KCNJ3: variants seen among roughly 807,000 people sequenced by gnomAD.
KCNJ3 encodes G protein-activated inward rectifier potassium channel 1.
In KCNJ3, 4 loss-of-function variants were observed where a neutral mutation model predicts 39.2. The observed-to-expected ratio is 0.10, with a 90% CI of 0.05 to 0.23. The LOEUF is 0.23. KCNJ3 is among the 10% of genes least tolerant of loss of function. KCNJ3 has a pLI of 1.00. For missense variants in KCNJ3, 276 were observed against 634.9 expected (o/e 0.43, Z 6.08); for synonymous variants, 230 against 237.4 (o/e 0.97, Z 0.29).
intron 2 of KCNJ3, among the ~76,000 whole-genome samples, chr2:154,749,696 G>C (rs1012212237): frequency 2.0e-5 from 3 of 152,064 alleles, no homozygotes; most frequent in Admixed American, 6.6e-5. Context: ...TATCTGTAAA[G>C]TGGGAACAGA....
chr2:154,713,371 C>G (rs1685132215), intron 2 of KCNJ3, among the ~76,000 whole-genome samples: 1 of 152,106 alleles, frequency 6.6e-6, no homozygotes, highest in Admixed American at 6.5e-5. Context: ...CTTTTACCCT[C>G]CTACCCTAGC....
intron 2 of KCNJ3, among the ~76,000 whole-genome samples, chr2:154,779,060 T>G (rs1223772894): frequency 6.6e-6 from 1 of 152,146 alleles, no homozygotes; most frequent in Non-Finnish European, 1.5e-5. Flanking sequence ...AATAAAACCT[T>G]AGCAGTACTT....
intron 2 of KCNJ3, among the ~76,000 whole-genome samples, chr2:154,797,397 T>A (rs1199962474): frequency 6.6e-6 from 1 of 152,166 alleles, no homozygotes; most frequent in Non-Finnish European, 1.5e-5. Context: ...TGAAATGTCT[T>A]CTTTTTAAAA....
chr2:154,779,461 A>G (rs893177055), intron 2 of KCNJ3, among the ~76,000 whole-genome samples: 21 of 138,394 alleles, frequency 1.5e-4, no homozygotes, highest in Admixed American at 7.1e-5. Flanking sequence ...TTTTATATAT[A>G]TATGTTGTAT....
intron 2 of KCNJ3, among the ~76,000 whole-genome samples, chr2:154,793,928 CATT>C (rs1308351968): frequency 6.6e-6 from 1 of 151,896 alleles, no homozygotes; most frequent in Non-Finnish European, 1.5e-5. Context: ...TGAGCCCAAA[CATT>C]ATGGTATATA....
At chr2:154,737,966 A>G (rs115555964) in intron 2 of KCNJ3, among the ~76,000 whole-genome samples, 2,753 of 152,232 alleles carry the variant, frequency 0.018, 76 homozygotes, top group African/African-American at 0.063. Context: ...AAGACATACC[A>G]TGATTAAATT....
chr2:154,775,191 ACAGGCTTCAGCCACTGCAC>A (rs1452412879), intron 2 of KCNJ3, among the ~76,000 whole-genome samples: 1 of 152,222 alleles, frequency 6.6e-6, no homozygotes. Context: ...TGCTGGGATT[ACAGGCTTCAGCCACTGCAC>A]CTGGCCTGTT....
Position 154,768,183 on chromosome 2 carries a change from T to A in KCNJ3, c.919+58364T>A, listed in dbSNP as rs535093334. Among the ~76,000 whole-genome samples, 6 of 152,324 alleles carry A rather than the reference T, an allele frequency of 3.9e-5. 1 individual carries two copies. The South Asian group carries it at 1.0e-3, about 26-fold the overall frequency. On this transcript the variant is annotated intron_variant, in intron 2 of 2. Transcript: ENST00000295101. ...TTTCTTTTGCTGTGCAGAAGCTCTTTAGTTTAATTAGATCCCATTTGTCAA... is the reference window on the plus strand; with the variant it reads ...TTTCTTTTGCTGTGCAGAAGCTCTTAAGTTTAATTAGATCCCATTTGTCAA...
intron 2 of KCNJ3, among the ~76,000 whole-genome samples, chr2:154,723,521 C>T (rs534475687): frequency 6.6e-5 from 10 of 152,172 alleles, no homozygotes; most frequent in South Asian, 4.1e-4. Flanking sequence ...ATCAGGAGAT[C>T]GCTGGGATCA....
intron 2 of KCNJ3, among the ~76,000 whole-genome samples, chr2:154,776,043 C>A (rs895531740): frequency 1.3e-5 from 2 of 151,214 alleles, no homozygotes; most frequent in African/African-American, 2.4e-5. Flanking sequence ...CTCTTGTTGC[C>A]TAGGCTGGAG....
intron 2 of KCNJ3, among the ~76,000 whole-genome samples, chr2:154,779,453 T>TA (rs1686395947): frequency 7.0e-6 from 1 of 143,408 alleles, no homozygotes; most frequent in East Asian, 2.0e-4. Flanking sequence ...TATATATATT[T>TA]TATATATATA....
intron 2 of KCNJ3, among the ~76,000 whole-genome samples, chr2:154,768,927 T>A (rs959780125): frequency 2.6e-5 from 4 of 152,184 alleles, no homozygotes; most frequent in African/African-American, 9.7e-5. Context: ...GATTCCTAGG[T>A]ATTTTATTCT....
intron 2 of KCNJ3, among the ~76,000 whole-genome samples, chr2:154,745,175 A>G (rs1404439485): frequency 2.0e-5 from 3 of 151,892 alleles, no homozygotes; most frequent in African/African-American, 7.2e-5. Context: ...CTATGTTGGT[A>G]CTTGAAATAA....
Position 154,788,762 on chromosome 2 carries a change from AGT to A in KCNJ3, c.920-65961_920-65960del, listed in dbSNP as rs1394917790. Among the ~76,000 whole-genome samples, 18 of 150,772 alleles carry A rather than the reference AGT, an allele frequency of 1.2e-4. No homozygotes were observed. In the East Asian group the frequency reaches 3.5e-3, roughly 29 times the overall value. On this transcript the variant is annotated intron_variant, in intron 2 of 2. Transcript: ENST00000295101. ...ATGGGTGGGAAAATATCAGTATGTG[AGT>A]GTGAGTTGTTTTTTTTTTTAAAAAG...
At chr2:154,770,153 A>G (rs1183422305) in intron 2 of KCNJ3, among the ~76,000 whole-genome samples, 3 of 152,202 alleles carry the variant, frequency 2.0e-5, no homozygotes, top group African/African-American at 7.2e-5. Context: ...AGTATCAAAC[A>G]TATTTGCCAC....
At chr2:154,705,955 A>AT (rs1286317495) in intron 1 of KCNJ3, among the ~76,000 whole-genome samples, 5 of 151,954 alleles carry the variant, frequency 3.3e-5, no homozygotes, top group Non-Finnish European at 5.9e-5. Context: ...CAACCCAAGG[A>AT]TTTTTTCAAA....
intron 1 of KCNJ3, 71 bp from the exon 2 acceptor site, chr2:154,709,532 T>C: frequency 6.8e-7 from 1 of 1,466,712 alleles, no homozygotes; most frequent in Non-Finnish European, 9.3e-7. Flanking sequence ...ATGATGTAAA[T>C]TACTGTTGGG....
chr2:154,779,047 C>G (rs527270605), intron 2 of KCNJ3, among the ~76,000 whole-genome samples: 2 of 152,072 alleles, frequency 1.3e-5, no homozygotes, highest in South Asian at 4.2e-4. Context: ...ATGGTCAGTA[C>G]CTAATAAAAC....
At chr2:154,744,268 C>T (rs1685700159) in intron 2 of KCNJ3, among the ~76,000 whole-genome samples, 1 of 151,604 alleles carries the variant, frequency 6.6e-6, no homozygotes, top group South Asian at 2.1e-4. Flanking sequence ...ACTTTTATAG[C>T]TAAATTCATG....
Sources: allele counts gnomAD v4.1 joint callset (sites outside exome capture counted in the v4.1 genomes callset), GRCh38; gene constraint gnomAD v4.1.1; transcripts MANE v1.5; gene names NCBI Gene and HGNC (gene_info 2026-07-23, HGNC 2026-07-21).